Variants in SGCZ observed in about 807,000 individuals in gnomAD.
SGCZ encodes the protein sarcoglycan zeta.
SGCZ carries 40 observed loss-of-function variants against 41.3 expected under a neutral mutation model. That is an observed-to-expected ratio of 0.97 (90% confidence interval 0.75 to 1.26). SGCZ has a LOEUF of 1.26. Ranked by LOEUF, SGCZ falls within the 50% of genes most tolerant of loss-of-function variation. The pLI is 0.00. For missense variants in SGCZ, 552 were observed against 369.8 expected, an observed-to-expected ratio of 1.49 and a Z score of -4.04; for synonymous variants, 206 against 137.5, an observed-to-expected ratio of 1.50 and a Z score of -3.49.
At chr8:14,603,392 G>A (rs979472846) in intron 1 of SGCZ, among the ~76,000 whole-genome samples, 2 of 151,950 alleles carry the variant, frequency 1.3e-5, no homozygotes, top group East Asian at 3.9e-4. Flanking sequence ...TATTCAAAAT[G>A]CTAGGATATG....
chr8:14,818,116 A>T (rs916493751), intron 1 of SGCZ, among the ~76,000 whole-genome samples: 1 of 152,102 alleles, frequency 6.6e-6, no homozygotes, highest in East Asian at 1.9e-4. Flanking sequence ...TCTTGCAGTG[A>T]CCCCAACTCC....
At chr8:15,219,548 T>C (rs1202389071) in intron 1 of SGCZ, among the ~76,000 whole-genome samples, 4 of 152,214 alleles carry the variant, frequency 2.6e-5, no homozygotes, top group Admixed American at 6.5e-5. Context: ...TCCCAGACTA[T>C]GATGGGAACT....
intron 1 of SGCZ, among the ~76,000 whole-genome samples, chr8:14,678,175 A>G (rs373705399): frequency 1.3e-5 from 2 of 152,368 alleles, no homozygotes; most frequent in African/African-American, 4.8e-5. Context: ...TCCATGGAAC[A>G]AAGAATTAAT....
At chr8:15,038,381 G>A (rs2130971737) in intron 1 of SGCZ, among the ~76,000 whole-genome samples, 1 of 152,090 alleles carries the variant, frequency 6.6e-6, no homozygotes, top group South Asian at 2.1e-4. Flanking sequence ...AATAAATGAT[G>A]TTGTGATGAC....
intron 1 of SGCZ, among the ~76,000 whole-genome samples, chr8:14,596,416 T>C (rs1055037086): frequency 6.6e-6 from 1 of 152,198 alleles, no homozygotes; most frequent in Non-Finnish European, 1.5e-5. Flanking sequence ...ATAAAAATCA[T>C]TTAAACATTT....
intron 4 of SGCZ, among the ~76,000 whole-genome samples, chr8:14,191,643 G>T (rs1805106457): frequency 6.6e-6 from 1 of 152,090 alleles, no homozygotes; most frequent in African/African-American, 2.4e-5. Context: ...ACCCTGAGCT[G>T]GCCAGTTGGT....
chr8:14,161,478 C>A (rs1464539389), intron 5 of SGCZ: 1 of 152,070 alleles, frequency 6.6e-6, no homozygotes, highest in African/African-American at 2.4e-5. Flanking sequence ...ATAGTGAGGA[C>A]AGTTCTAATC....
intron 1 of SGCZ, among the ~76,000 whole-genome samples, chr8:14,645,466 A>T (rs1807176805): frequency 8.2e-6 from 1 of 122,094 alleles, no homozygotes; most frequent in African/African-American, 2.8e-5. Flanking sequence ...ATCATTGATT[A>T]TATATATATA....
chr8:14,295,481 AT>A lies in SGCZ; in HGVS notation c.336+28621del, dbSNP rs1800976887. Reference sequence around the variant, plus strand: ...CTGTCCATAATCATTCCTTTTAAAAATAATCTGTAAATTAATTTCATATAGT... The same window carrying A: ...CTGTCCATAATCATTCCTTTTAAAAAAATCTGTAAATTAATTTCATATAGT... On this transcript the variant is annotated intron_variant, in intron 3 of 7. Transcript: ENST00000382080. Among the ~76,000 whole-genome samples, 5 of 152,344 alleles carry A rather than the reference AT, an allele frequency of 3.3e-5. No individual in the cohort carries two copies. In the South Asian group the frequency reaches 1.0e-3, roughly 32 times the overall value.
rs192359541 is a variant in SGCZ, at chr8:14,278,647, G to A, written c.337-40968C>T. Among the ~76,000 whole-genome samples, 186 of 152,212 alleles carry A rather than the reference G, an allele frequency of 1.2e-3. 1 individual carries two copies. Among genetic ancestry groups the A allele is most frequent in the African/African-American group, 4.4e-3 (182 of 41,550 alleles). ...TCTCTATATTGCTATTTACCTAGCTGTATATATTCTGCCAATGAAATTGCC... is the reference window on the plus strand; with the variant it reads ...TCTCTATATTGCTATTTACCTAGCTATATATATTCTGCCAATGAAATTGCC... On this transcript the variant is annotated intron_variant, in intron 3 of 7. Coordinates refer to ENST00000382080, the MANE Select transcript of SGCZ (RefSeq NM_139167.4).
intron 2 of SGCZ, among the ~76,000 whole-genome samples, chr8:14,384,500 TATTTTATTTAAA>T (rs1804497116): frequency 1.3e-5 from 2 of 152,208 alleles, no homozygotes; most frequent in African/African-American, 4.8e-5. Context: ...TATAGGGAAA[TATTTTATTTAAA>T]AAATAATCCT....
At chr8:14,973,425 T>A (rs1260546948) in intron 1 of SGCZ, among the ~76,000 whole-genome samples, 1 of 152,202 alleles carries the variant, frequency 6.6e-6, no homozygotes, top group Non-Finnish European at 1.5e-5. Context: ...CTTTTCTCAC[T>A]ACAGCACTTG....
At chr8:15,095,862 A>T (rs1042280538) in intron 1 of SGCZ, among the ~76,000 whole-genome samples, 8 of 152,180 alleles carry the variant, frequency 5.3e-5, no homozygotes, top group African/African-American at 1.9e-4. Context: ...AAACTCAGCC[A>T]AAAGTTCCAC....
At chr8:14,412,855 T>C (rs112077714) in intron 2 of SGCZ, among the ~76,000 whole-genome samples, 5 of 152,140 alleles carry the variant, frequency 3.3e-5, no homozygotes, top group African/African-American at 9.6e-5. Context: ...TTCTGAAACT[T>C]GATAGATATG....
intron 1 of SGCZ, among the ~76,000 whole-genome samples, chr8:15,236,366 T>C (rs983450827): frequency 3.3e-5 from 5 of 152,090 alleles, no homozygotes; most frequent in Non-Finnish European, 5.9e-5. Flanking sequence ...TTTTGCAGCC[T>C]GCCTAGCTTG....
At chr8:14,386,371 G>A (rs1400895711) in intron 2 of SGCZ, among the ~76,000 whole-genome samples, 1 of 151,836 alleles carries the variant, frequency 6.6e-6, no homozygotes, top group Non-Finnish European at 1.5e-5. Context: ...AACTGGTTGT[G>A]GTCCACACAA....
chr8:14,896,745 G>T (rs557473306), intron 1 of SGCZ, among the ~76,000 whole-genome samples: 3 of 152,006 alleles, frequency 2.0e-5, no homozygotes, highest in African/African-American at 7.3e-5. Context: ...CCAAAGTGCT[G>T]GGATTACAGG....
chr8:14,336,039 T>C (rs544423063), intron 2 of SGCZ, among the ~76,000 whole-genome samples: 2 of 152,204 alleles, frequency 1.3e-5, no homozygotes, highest in South Asian at 2.1e-4. Flanking sequence ...TTCCCAGTAG[T>C]TATTTATTCT....
chr8:14,657,205 C>G (rs529453624), intron 1 of SGCZ, among the ~76,000 whole-genome samples: 1 of 151,904 alleles, frequency 6.6e-6, no homozygotes, highest in Non-Finnish European at 1.5e-5. Context: ...AGTGAAGAGA[C>G]GTATGGATTT....
Sources: gnomAD v4.1 joint callset for allele counts (sites outside exome capture counted in the v4.1 genomes callset) on GRCh38, gnomAD v4.1.1 for gene constraint, MANE v1.5 for transcripts, NCBI Gene and HGNC (gene_info 2026-07-23, HGNC 2026-07-21) for gene names.